ITPR1: variants seen among roughly 807,000 people sequenced by gnomAD.
ITPR1 encodes inositol 1,4,5-trisphosphate receptor type 1.
ITPR1 carries 96 observed loss-of-function variants against 318.4 expected under a neutral mutation model. That is an observed-to-expected ratio of 0.30 (90% CI 0.26 to 0.36). ITPR1 has a LOEUF of 0.36. Ranked by LOEUF, ITPR1 falls within the 10% of genes least tolerant of loss-of-function variation. ITPR1 has a pLI of 1.00. For missense variants in ITPR1, 2,440 were observed against 3,460.2 expected (o/e 0.71, Z 7.40); for synonymous variants, 1,312 against 1,289.9 (o/e 1.02, Z -0.37).
intron 4 of ITPR1, chr3:4,595,939 T>G (rs1196564998): frequency 2.6e-5 from 4 of 152,108 alleles, no homozygotes; most frequent in Non-Finnish European, 5.9e-5. Flanking sequence ...TCTTTGAAAC[T>G]GGCCTAAGTG....
intron 44 of ITPR1, among the ~76,000 whole-genome samples, chr3:4,764,532 T>G (rs1470160803): frequency 6.6e-6 from 1 of 152,228 alleles, no homozygotes; most frequent in Non-Finnish European, 1.5e-5. Flanking sequence ...GAACGGTCAG[T>G]GCAACAGTGC....
chr3:4,602,108 C>T (rs2091331574), intron 4 of ITPR1, among the ~76,000 whole-genome samples: 1 of 152,180 alleles, frequency 6.6e-6, no homozygotes, highest in Non-Finnish European at 1.5e-5. Context: ...AATGACACAA[C>T]CACTTTGTAA....
intron 60 of ITPR1, among the ~76,000 whole-genome samples, chr3:4,835,418 A>G (rs1337318349): frequency 6.6e-6 from 1 of 152,146 alleles, no homozygotes; most frequent in Non-Finnish European, 1.5e-5. Flanking sequence ...CCATTTATTT[A>G]TTTACTGGTT....
At chr3:4,594,762 A>G (rs1346975017) in intron 4 of ITPR1, among the ~76,000 whole-genome samples, 7 of 152,124 alleles carry the variant, frequency 4.6e-5, no homozygotes, top group African/African-American at 1.7e-4. Context: ...AGACCGGGAA[A>G]TGTGTGGCAG....
intron 60 of ITPR1, 97 bp downstream of exon 60, chr3:4,818,339 A>G: frequency 1.0e-6 from 1 of 969,138 alleles, no homozygotes; most frequent in Non-Finnish European, 1.5e-6. Context: ...ACAACAGAAG[A>G]ATAACATCCG....
chr3:4,800,724 TTAAA>T (rs1188651980), intron 54 of ITPR1, 124 bp downstream of exon 54: 6 of 996,752 alleles, frequency 6.0e-6, no homozygotes, highest in East Asian at 4.9e-5. Flanking sequence ...GGGCAACTGT[TTAAA>T]TAGCCAGAAG....
At chr3:4,840,324 TAAA>T (rs1347635626) in intron 61 of ITPR1, among the ~76,000 whole-genome samples, 4 of 152,098 alleles carry the variant, frequency 2.6e-5, no homozygotes, top group Non-Finnish European at 5.9e-5. Context: ...AATTTTGAAT[TAAA>T]AAATAAAAGC....
intron 4 of ITPR1, among the ~76,000 whole-genome samples, chr3:4,532,871 T>C (rs1315080419): frequency 1.3e-5 from 2 of 152,244 alleles, no homozygotes; most frequent in African/African-American, 4.8e-5. Context: ...CTATTAGTGC[T>C]GAGCAGTTAC....
chr3:4,694,973 C>G (rs958569262), intron 33 of ITPR1, among the ~76,000 whole-genome samples: 1 of 152,176 alleles, frequency 6.6e-6, no homozygotes, highest in African/African-American at 2.4e-5. Flanking sequence ...TCCCCACCCC[C>G]TTTTTGTAAA....
At chr3:4,788,839 A>G (rs941989150) in intron 52 of ITPR1, among the ~76,000 whole-genome samples, 10 of 152,320 alleles carry the variant, frequency 6.6e-5, no homozygotes, top group Non-Finnish European at 1.2e-4. Context: ...TCTGTTCATC[A>G]GGAGCCAGAC....
intron 3 of ITPR1, among the ~76,000 whole-genome samples, chr3:4,520,055 G>C (rs531671060): frequency 3.9e-5 from 6 of 152,260 alleles, no homozygotes; most frequent in African/African-American, 1.2e-4. Flanking sequence ...ATATTTAATG[G>C]TACCTTGCAT....
intron 53 of ITPR1, 91 bp from the exon 54 acceptor site, chr3:4,800,334 T>G: frequency 3.0e-6 from 4 of 1,353,012 alleles, no homozygotes; most frequent in Non-Finnish European, 4.1e-6. Flanking sequence ...AAAAAGTTAT[T>G]GAGGAATCTG....
At chr3:4,540,529 C>CT (rs199616704) in intron 4 of ITPR1, among the ~76,000 whole-genome samples, 1 of 151,928 alleles carries the variant, frequency 6.6e-6, no homozygotes, top group African/African-American at 2.4e-5. Context: ...TTTTTTAAAT[C>CT]TTTTTTTCCC....
rs1156474451 is a variant in ITPR1, at chr3:4,632,929, C to CTTTTTTT, written c.279+5073_279+5079dup. 2.0e-4 allele frequency among the ~76,000 whole-genome samples: 13 copies of CTTTTTTT among 66,028 alleles called. 1 individual carries two copies. The highest frequency in any genetic ancestry group is 2.8e-4 in the African/African-American group (4 of 14,266). The allele number at this position is 66,028 out of a possible 152,430, so 43.3% of individuals were successfully genotyped here. On this transcript the variant is annotated intron_variant, in intron 5 of 61. Transcript: ENST00000649015. ...AAGATTACTGATGTGACTTTCAGGT[C>CTTTTTTT]TTTTTTTTTTTTTTTTTTTTTTTTT... is the stretch of plus-strand genomic sequence containing the variant.
In ITPR1 at chr3:4,693,477, G is replaced by A. The variant is rs778666283; in HGVS notation, c.4030-13G>A. ...CAAGCTTGTAATCTAAACCCACCCTGTTCTTTATGTAGCTGGTCAATTCGG... is the reference window on the plus strand; with the variant it reads ...CAAGCTTGTAATCTAAACCCACCCTATTCTTTATGTAGCTGGTCAATTCGG... On this transcript the variant is annotated splice_polypyrimidine_tract_variant and intron_variant, in intron 32 of 61. Transcript: ENST00000649015. 85 of 1,611,308 alleles carry A rather than the reference G, an allele frequency of 5.3e-5. No individual in the cohort carries two copies. Among genetic ancestry groups the A allele is most frequent in the Admixed American group, 6.7e-5 (4 of 59,956 alleles).
chr3:4,706,129 A>G (rs922721131), intron 36 of ITPR1, 38 bp from the exon 37 acceptor site: 1 of 1,612,606 alleles, frequency 6.2e-7, no homozygotes, highest in Non-Finnish European at 8.5e-7. Context: ...GTCCCCCATA[A>G]AAGTTGTAGG....
At chr3:4,546,626 G>A (rs966185710) in intron 4 of ITPR1, among the ~76,000 whole-genome samples, 2 of 152,192 alleles carry the variant, frequency 1.3e-5, no homozygotes, top group Middle Eastern at 3.4e-3. Context: ...CCTTTGTGTT[G>A]TTTCCTCTTA....
At chr3:4,522,374 C>CT (rs1041781907) in intron 4 of ITPR1, among the ~76,000 whole-genome samples, 2 of 152,078 alleles carry the variant, frequency 1.3e-5, no homozygotes, top group Admixed American at 6.6e-5. Context: ...AACTGTTTGA[C>CT]TTTTTTGGAT....
chr3:4,556,049 C>G (rs2086093260), intron 4 of ITPR1, among the ~76,000 whole-genome samples: 1 of 152,180 alleles, frequency 6.6e-6, no homozygotes, highest in Admixed American at 6.5e-5. Flanking sequence ...CAAATATTAA[C>G]TATGTGATGG....
Sources: gnomAD v4.1 joint callset for allele counts (sites outside exome capture counted in the v4.1 genomes callset) on GRCh38, gnomAD v4.1.1 for gene constraint, MANE v1.5 for transcripts, NCBI Gene and HGNC (gene_info 2026-07-23, HGNC 2026-07-21) for gene names.